Variants in SGTB observed in about 807,000 individuals in gnomAD.
SGTB encodes small glutamine rich tetratricopeptide repeat co-chaperone beta, also known as small glutamine-rich tetratricopeptide repeat-containing protein beta.
Under a neutral mutation model 43.9 loss-of-function variants are expected in SGTB, and 19 were observed. The ratio of observed to expected loss-of-function variants is 0.43; its 90% CI spans 0.30 to 0.63. SGTB has a LOEUF of 0.63. Ranked by LOEUF, SGTB falls within the 30% of genes least tolerant of loss-of-function variation. The probability of loss-of-function intolerance (pLI) is 0.12; values close to 1 mark genes in which losing one functional copy is unlikely to be tolerated. For synonymous variants in SGTB, 116 were observed against 117.3 expected, an observed-to-expected ratio of 0.99 and a Z score of 0.07; for missense variants, 304 against 358.9, an observed-to-expected ratio of 0.85 and a Z score of 1.24.
chr5:65,710,015 A>G (rs1387783827), intron 3 of SGTB, among the ~76,000 whole-genome samples: 1 of 152,180 alleles, frequency 6.6e-6, no homozygotes, highest in Non-Finnish European at 1.5e-5. Flanking sequence ...TTCACAAGTA[A>G]AAAAAATTAC....
chr5:65,672,451 G>GA (rs1476500318), intron 8 of SGTB, among the ~76,000 whole-genome samples, 170 bp from the exon 9 acceptor site: 2 of 152,096 alleles, frequency 1.3e-5, no homozygotes, highest in Non-Finnish European at 2.9e-5. Context: ...GAAGGTACTA[G>GA]AAAAAGTGGC....
chr5:65,693,424 A>G (rs1037110079), intron 5 of SGTB, among the ~76,000 whole-genome samples: 2 of 150,172 alleles, frequency 1.3e-5, no homozygotes, highest in Admixed American at 1.3e-4. Context: ...GGAGAGAGAG[A>G]GGGAAGGAAG....
At chr5:65,673,237 A>G (rs2150702440) in intron 8 of SGTB, among the ~76,000 whole-genome samples, 2 of 152,302 alleles carry the variant, frequency 1.3e-5, no homozygotes, top group African/African-American at 4.8e-5. Context: ...CAAATACATA[A>G]AGCTTCATTT....
intron 10 of SGTB, among the ~76,000 whole-genome samples, chr5:65,670,566 C>A (rs1304604996): frequency 6.6e-6 from 1 of 152,108 alleles, no homozygotes; most frequent in Non-Finnish European, 1.5e-5. Context: ...AAACAAAACA[C>A]CCATGCTAAA....
At chr5:65,676,177 G>T (rs1018361713) in intron 8 of SGTB, among the ~76,000 whole-genome samples, 32 of 152,252 alleles carry the variant, frequency 2.1e-4, no homozygotes, top group African/African-American at 7.7e-4. Flanking sequence ...GAAAAAAGCA[G>T]TGGTCGCAAT....
chr5:65,670,073 T>TTG lies in SGTB; in HGVS notation c.*171_*172dup. The TTG allele has an allele frequency of 1.9e-6, 1 of 538,332 alleles. No individual in the cohort carries two copies. 33.3% of individuals were successfully genotyped at this position (538,332 alleles called of 1,614,324 possible). On this transcript the variant is annotated 3_prime_UTR_variant, in exon 11 of 11. Coordinates refer to ENST00000381007, the MANE Select transcript of SGTB (RefSeq NM_019072.3). ...TTTGAGTTTGTTTGTGATAAACCTA[T>TTG]TGTCTAAACAGATTTATTCTTTAAG...
chr5:65,683,560 T>C (rs1017113158), intron 6 of SGTB, among the ~76,000 whole-genome samples: 3 of 151,832 alleles, frequency 2.0e-5, no homozygotes, highest in Non-Finnish European at 4.4e-5. Flanking sequence ...TGTTTAGAGA[T>C]GGTAGAGAGG....
At chr5:65,673,086 C>T (rs1757189694) in intron 8 of SGTB, among the ~76,000 whole-genome samples, 1 of 152,184 alleles carries the variant, frequency 6.6e-6, no homozygotes, top group African/African-American at 2.4e-5. Context: ...AGTTCTTCCC[C>T]TTCTCCCACA....
intron 1 of SGTB, 43 bp from the exon 2 acceptor site, chr5:65,720,872 G>A: frequency 6.3e-7 from 1 of 1,576,176 alleles, no homozygotes; most frequent in Non-Finnish European, 8.6e-7. Flanking sequence ...TTATTTTAAA[G>A]AATCAGTCAG....
intron 8 of SGTB, among the ~76,000 whole-genome samples, chr5:65,676,941 C>T (rs1438507235): frequency 3.3e-5 from 5 of 150,168 alleles, no homozygotes; most frequent in African/African-American, 7.4e-5. Flanking sequence ...AAACAAACCC[C>T]GAAGCTAGCA....
chr5:65,721,421 C>T (rs1252492480), intron 1 of SGTB, among the ~76,000 whole-genome samples: 1 of 152,174 alleles, frequency 6.6e-6, no homozygotes, highest in African/African-American at 2.4e-5. Flanking sequence ...ACAAGCCGAC[C>T]GGCGCTCCCT....
intron 5 of SGTB, among the ~76,000 whole-genome samples, chr5:65,689,064 C>G (rs1757552907): frequency 1.3e-5 from 2 of 152,216 alleles, no homozygotes; most frequent in South Asian, 2.1e-4. Context: ...TCTGCCTCAG[C>G]CTCCCAAAGT....
chr5:65,685,435 C>T lies in SGTB; in HGVS notation c.412G>A (p.Ala138Thr). 1 of 1,614,146 alleles carries T rather than the reference C, an allele frequency of 6.2e-7. No homozygotes were observed. Among genetic ancestry groups the T allele is most frequent in the Non-Finnish European group, 8.5e-7 (1 of 1,180,014 alleles). ...AQSKLGHYTD[A>T]IKDCEKAIAI... Reference sequence around the variant, plus strand: ...ATTGCTTTTTCACAATCCTTTATCGCATCTGTGTAGTGACCTAATTTGCTC... The same window carrying T: ...ATTGCTTTTTCACAATCCTTTATCGTATCTGTGTAGTGACCTAATTTGCTC... The change falls in exon 6 of 11, where the codon GCG becomes ACG. Residue 138 changes from alanine to threonine, a missense_variant. By Grantham distance (58) the Ala-to-Thr change is moderately conservative. Transcript: ENST00000381007.
At position 65,720,830 on chromosome 5, in the gene SGTB, C is replaced by T; in HGVS notation, c.-22-1G>A. On this transcript the variant is annotated splice_acceptor_variant, in intron 1 of 10. Transcript: ENST00000381007. LOFTEE classifies it low-confidence loss of function (5UTR_SPLICE). ...CATTTTAGAAGCTTAAACACTTTTCCTTGATAAGAAAAATGAAAACACTGA... is the reference window on the plus strand; with the variant it reads ...CATTTTAGAAGCTTAAACACTTTTCTTTGATAAGAAAAATGAAAACACTGA... 1 of 1,599,120 alleles carries T rather than the reference C, an allele frequency of 6.3e-7. No homozygotes were observed. The highest frequency in any genetic ancestry group is 8.5e-7 in the Non-Finnish European group (1 of 1,176,360).
intron 5 of SGTB, among the ~76,000 whole-genome samples, chr5:65,687,625 C>T (rs2150709740): frequency 6.6e-6 from 1 of 152,260 alleles, no homozygotes; most frequent in East Asian, 1.9e-4. Flanking sequence ...TCCATAGAGC[C>T]AGGAAGGTCC....
intron 5 of SGTB, among the ~76,000 whole-genome samples, chr5:65,695,488 A>T (rs1271244713): frequency 6.6e-6 from 1 of 152,180 alleles, no homozygotes; most frequent in African/African-American, 2.4e-5. Context: ...TGGAAGATGA[A>T]GCGAAACATG....
chr5:65,705,492 T>C (rs1229162750), intron 4 of SGTB, among the ~76,000 whole-genome samples: 3 of 151,760 alleles, frequency 2.0e-5, no homozygotes, highest in African/African-American at 4.8e-5. Flanking sequence ...TTAGAAACAA[T>C]GGAGATTAGG....
chr5:65,685,540 T>G (rs1757481832), intron 5 of SGTB, 68 bp from the exon 6 acceptor site: 2 of 1,268,362 alleles, frequency 1.6e-6, no homozygotes, highest in African/African-American at 2.9e-5. Context: ...TTTCAGGTAC[T>G]AATAATACTA....
chr5:65,706,085 C>G (rs1757928357), intron 4 of SGTB, among the ~76,000 whole-genome samples: 1 of 151,956 alleles, frequency 6.6e-6, no homozygotes, highest in Non-Finnish European at 1.5e-5. Context: ...CTGCACAACT[C>G]TGTGAATATA....
Sources: allele counts gnomAD v4.1 joint callset (sites outside exome capture counted in the v4.1 genomes callset), GRCh38; gene constraint gnomAD v4.1.1; transcripts MANE v1.5; gene names NCBI Gene and HGNC (gene_info 2026-07-23, HGNC 2026-07-21).